Variants in ADGRL3 observed in about 807,000 individuals in gnomAD.
ADGRL3 encodes the protein adhesion G protein-coupled receptor L3, also known as calcium-independent alpha-latrotoxin receptor 3.
In ADGRL3, 62 loss-of-function variants were observed where a neutral mutation model predicts 153.5. That is an observed-to-expected ratio of 0.40 (90% confidence interval 0.33 to 0.50). ADGRL3 has a LOEUF of 0.50. Among genes scored for constraint, ADGRL3 ranks in the 20% least tolerant of loss-of-function variants. The pLI is 0.47. For synonymous variants in ADGRL3, 710 were observed against 672.5 expected (o/e 1.06, Z -0.86); for missense variants, 1,641 against 1,859.4 (o/e 0.88, Z 2.16).
chr4:61,814,782 A>G (rs1283850137), intron 9 of ADGRL3, among the ~76,000 whole-genome samples: 2 of 151,948 alleles, frequency 1.3e-5, no homozygotes, highest in Non-Finnish European at 2.9e-5. Context: ...CCTCCTCTAT[A>G]TTAGTTTCTC....
chr4:61,250,709 C>T (rs1758903555), intron 1 of ADGRL3, among the ~76,000 whole-genome samples: 1 of 152,106 alleles, frequency 6.6e-6, no homozygotes, highest in South Asian at 2.1e-4. Context: ...TATTTTTTAT[C>T]TCAAATGAGC....
chr4:61,590,068 T>C (rs2098963185), intron 5 of ADGRL3, among the ~76,000 whole-genome samples: 1 of 152,120 alleles, frequency 6.6e-6, no homozygotes, highest in African/African-American at 2.4e-5. Flanking sequence ...AGAGAACTTA[T>C]TAAAACATCA....
At chr4:61,253,601 C>T (rs1033884344) in intron 1 of ADGRL3, among the ~76,000 whole-genome samples, 1 of 151,930 alleles carries the variant, frequency 6.6e-6, no homozygotes, top group Non-Finnish European at 1.5e-5. Context: ...TTCATTAAAG[C>T]ATAGTGACTG....
At chr4:61,736,234 T>C (rs1394516755) in intron 8 of ADGRL3, among the ~76,000 whole-genome samples, 2 of 152,156 alleles carry the variant, frequency 1.3e-5, no homozygotes, top group Non-Finnish European at 2.9e-5. Flanking sequence ...TGAATCATTG[T>C]AATTGTGAAC....
Position 62,070,237 on chromosome 4 carries a change from G to A in ADGRL3, c.3961G>A (p.Gly1321Ser). 6.2e-7 allele frequency: 1 copy of A among 1,613,550 alleles called. No individual in the cohort carries two copies. The highest frequency in any genetic ancestry group is 1.7e-4 in the Middle Eastern group (1 of 6,060). The change falls in exon 27 of 27, where the codon GGC (glycine) becomes AGC (serine). Residue 1321 changes from glycine to serine, a missense_variant. Coordinates refer to ENST00000683033, the MANE Select transcript of ADGRL3 (RefSeq NM_001387552.1). ...CAACTGTGTGCAAATCATAGACCGT[G>A]GCTATAACCATAACGAGACCGCCCT... ...LSNCVQIIDR[G>S]YNHNETALEK...
chr4:61,361,699 A>G (rs772861933), intron 1 of ADGRL3, among the ~76,000 whole-genome samples: 1 of 152,184 alleles, frequency 6.6e-6, no homozygotes, highest in Non-Finnish European at 1.5e-5. Flanking sequence ...TGTATTTAGG[A>G]CAAACACAAT....
chr4:61,986,000 T>G (rs1248455739), intron 19 of ADGRL3, among the ~76,000 whole-genome samples: 10 of 151,472 alleles, frequency 6.6e-5, no homozygotes, highest in Admixed American at 6.6e-4. Flanking sequence ...TGTTTTTTTT[T>G]TTAAATAACA....
intron 2 of ADGRL3, among the ~76,000 whole-genome samples, chr4:61,470,234 C>T (rs1475994644): frequency 5.3e-5 from 8 of 151,842 alleles, no homozygotes; most frequent in Non-Finnish European, 1.0e-4. Flanking sequence ...GCTGAGCATT[C>T]CAGAAATCAG....
chr4:61,824,828 A>G (rs1237181748), intron 9 of ADGRL3, among the ~76,000 whole-genome samples: 5 of 152,246 alleles, frequency 3.3e-5, no homozygotes, highest in African/African-American at 9.6e-5. Flanking sequence ...TATGATAAAA[A>G]TTATATTCGG....
chr4:61,637,071 G>C (rs779729940), intron 5 of ADGRL3, among the ~76,000 whole-genome samples: 1 of 152,192 alleles, frequency 6.6e-6, no homozygotes. Flanking sequence ...CAAAAACTAA[G>C]ACCAGCACAG....
At position 62,074,858 on chromosome 4, in the gene ADGRL3, T is replaced by G. The variant is rs1746657184; in HGVS notation, c.*3950T>G. The G allele has an allele frequency of 6.6e-6, 1 of 152,146 alleles. No individual in the cohort carries two copies. The allele number at this position is 152,146 out of a possible 1,614,324, so 9.4% of individuals were successfully genotyped here. A position where few individuals can be genotyped will look rare whatever the true frequency, so the allele number is the denominator to read the frequency against. ...ATTAACTTAATTGGTATGACAAAAC[T>G]TTTCATAATAGATATAAGCATATAA... On this transcript the variant is annotated 3_prime_UTR_variant, in exon 27 of 27. Coordinates refer to ENST00000683033, the MANE Select transcript of ADGRL3 (RefSeq NM_001387552.1).
chr4:61,651,631 C>T (rs1022217209), intron 5 of ADGRL3, among the ~76,000 whole-genome samples: 3 of 150,974 alleles, frequency 2.0e-5, no homozygotes, highest in Non-Finnish European at 2.9e-5. Context: ...TTTTTTGAGA[C>T]GGAGTTTCGC....
At chr4:61,853,544 T>C (rs2098231427) in intron 9 of ADGRL3, among the ~76,000 whole-genome samples, 1 of 152,138 alleles carries the variant, frequency 6.6e-6, no homozygotes, top group Non-Finnish European at 1.5e-5. Context: ...CTTGGAAAAA[T>C]GTAAAAGCAC....
At chr4:61,216,075 C>CA (rs1160499697) in intron 1 of ADGRL3, among the ~76,000 whole-genome samples, 2 of 151,812 alleles carry the variant, frequency 1.3e-5, no homozygotes, top group African/African-American at 2.4e-5. Context: ...TTGAGCTTTT[C>CA]AAAAAAACTG....
At chr4:61,221,497 C>G (rs1401228509) in intron 1 of ADGRL3, among the ~76,000 whole-genome samples, 1 of 152,052 alleles carries the variant, frequency 6.6e-6, no homozygotes, top group Non-Finnish European at 1.5e-5. Context: ...AATTTTAAAC[C>G]TCTCTTGATA....
intron 15 of ADGRL3, among the ~76,000 whole-genome samples, chr4:61,939,632 G>A (rs1386810145): frequency 6.6e-6 from 1 of 152,020 alleles, no homozygotes. Context: ...ACCACGCCTG[G>A]CTAATTTTTG....
At chr4:61,394,091 G>A (rs945346746) in intron 2 of ADGRL3, among the ~76,000 whole-genome samples, 3 of 152,072 alleles carry the variant, frequency 2.0e-5, no homozygotes, top group African/African-American at 2.4e-5. Flanking sequence ...AACAGAGAAT[G>A]GTCATTCTAA....
intron 1 of ADGRL3, among the ~76,000 whole-genome samples, chr4:61,205,894 A>G (rs1736917365): frequency 6.6e-6 from 1 of 152,162 alleles, no homozygotes; most frequent in Non-Finnish European, 1.5e-5. Flanking sequence ...CTTGAATGTC[A>G]TTACTCTGAT....
chr4:62,037,173 G>A (rs1725496332), intron 23 of ADGRL3, among the ~76,000 whole-genome samples: 1 of 152,020 alleles, frequency 6.6e-6, no homozygotes, highest in Non-Finnish European at 1.5e-5. Flanking sequence ...GAGAAATATA[G>A]ACTTAGAAGA....
Sources: allele counts gnomAD v4.1 joint callset (sites outside exome capture counted in the v4.1 genomes callset), GRCh38; gene constraint gnomAD v4.1.1; transcripts MANE v1.5; gene names NCBI Gene and HGNC (gene_info 2026-07-23, HGNC 2026-07-21).